The following TRIOBP variants were observed in gnomAD, a reference collection of about 807,000 sequenced individuals.
TRIOBP encodes TRIO and F-actin-binding protein.
Under a neutral mutation model 238.8 loss-of-function variants are expected in TRIOBP, and 169 were observed. The ratio of observed to expected loss-of-function variants is 0.71; its 90% CI spans 0.62 to 0.80. The LOEUF is 0.80. TRIOBP is among the 30% of genes least tolerant of loss of function. The probability of loss-of-function intolerance (pLI) is 0.00; values close to 1 mark genes in which losing one functional copy is unlikely to be tolerated. For missense variants in TRIOBP, 2,838 were observed against 3,122.6 expected (o/e 0.91, Z 2.17); for synonymous variants, 1,150 against 1,274.4 (o/e 0.90, Z 2.08).
At chr22:37,709,320 C>T (rs1364633292) in intron 3 of TRIOBP, among the ~76,000 whole-genome samples, 2 of 152,234 alleles carry the variant, frequency 1.3e-5, no homozygotes, top group African/African-American at 2.4e-5. Flanking sequence ...CCCCTCCCGG[C>T]TCTCAGGTGA....
chr22:37,719,158 G>GC (rs1468157093), intron 6 of TRIOBP, among the ~76,000 whole-genome samples: 7 of 146,444 alleles, frequency 4.8e-5, no homozygotes, highest in African/African-American at 1.5e-4. Context: ...AGCTGAGATC[G>GC]CCCCACTGCA....
Position 37,759,208 on chromosome 22 carries a change from C to T in TRIOBP, c.6268C>T (p.Gln2090Ter). ...GTGGCGTCTCCAAGGGGAGGCTCCT[C>T]AGAGTGCACTGAGATCCCAGGAGGA... Reference protein sequence around the residue: ...EAWRLQGEAPQSALRSQEDGH... With the variant: ...EAWRLQGEAP The change falls in exon 17 of 24, where the codon CAG becomes TAG. Residue 2090 changes from glutamine to a stop codon, truncating the protein, a stop_gained. Coordinates refer to ENST00000644935, the MANE Select transcript of TRIOBP (RefSeq NM_001039141.3). LOFTEE classifies it high-confidence loss of function. 6.2e-7 allele frequency: 1 copy of T among 1,613,038 alleles called. No individual in the cohort carries two copies. The highest frequency in any genetic ancestry group is 8.5e-7 in the Non-Finnish European group (1 of 1,180,008).
intron 16 of TRIOBP, among the ~76,000 whole-genome samples, chr22:37,758,679 G>C (rs1926076807): frequency 7.5e-6 from 1 of 133,868 alleles, no homozygotes; most frequent in African/African-American, 3.5e-5. Flanking sequence ...CTTTGTCTCA[G>C]ATTAAAAAAA....
intron 11 of TRIOBP, 74 bp downstream of exon 11, chr22:37,741,106 T>G: frequency 6.5e-7 from 1 of 1,526,900 alleles, no homozygotes; most frequent in Non-Finnish European, 8.8e-7. Flanking sequence ...AGGGGGCTGT[T>G]AAGCAAAGGA....
At chr22:37,744,254 C>T (rs548988196) in intron 11 of TRIOBP, among the ~76,000 whole-genome samples, 5 of 152,154 alleles carry the variant, frequency 3.3e-5, no homozygotes, top group Non-Finnish European at 5.9e-5. Context: ...AGGTGATCCA[C>T]CCGCCTCGGC....
At chr22:37,700,539 C>G (rs868550983) in intron 2 of TRIOBP, among the ~76,000 whole-genome samples, 1 of 151,908 alleles carries the variant, frequency 6.6e-6, no homozygotes, top group Non-Finnish European at 1.5e-5. Flanking sequence ...ACTTCAGCCT[C>G]CTGAGTAGCA....
intron 8 of TRIOBP, among the ~76,000 whole-genome samples, chr22:37,734,156 G>C (rs988539224): frequency 6.6e-6 from 1 of 152,236 alleles, no homozygotes; most frequent in Non-Finnish European, 1.5e-5. Flanking sequence ...ATCTTTGAGA[G>C]GGGTGAGAAG....
intron 2 of TRIOBP, among the ~76,000 whole-genome samples, chr22:37,700,430 A>C (rs1446250322): frequency 2.6e-5 from 4 of 151,398 alleles, no homozygotes; most frequent in African/African-American, 9.7e-5. Flanking sequence ...GGTGCACACC[A>C]TCTTACCCAG....
rs1198429843 is a variant in TRIOBP at position 37,715,750 on chromosome 22, C to T, written c.457-13C>T. The T allele has an allele frequency of 5.6e-6, 9 of 1,613,628 alleles. No homozygotes were observed. The highest frequency in any genetic ancestry group is 7.6e-6 in the Non-Finnish European group (9 of 1,179,930). ...CTCCCGCAAACATACTTTCTCCTCCCCTTCTCTGGCAGGACTGGGACACTG... is the reference window on the plus strand; with the variant it reads ...CTCCCGCAAACATACTTTCTCCTCCTCTTCTCTGGCAGGACTGGGACACTG... On this transcript the variant is annotated splice_polypyrimidine_tract_variant and intron_variant, in intron 5 of 23. Coordinates refer to ENST00000644935, the MANE Select transcript of TRIOBP (RefSeq NM_001039141.3).
At chr22:37,715,976 G>A in intron 6 of TRIOBP, 42 bp downstream of exon 6, 1 of 1,608,712 alleles carries the variant, frequency 6.2e-7, no homozygotes, top group Non-Finnish European at 8.5e-7. Context: ...TGATGGCCTG[G>A]GGCCCCCCAG....
In TRIOBP at chr22:37,720,000, CT is replaced by C. The variant is rs869261824; in HGVS notation, c.629-3159del. On this transcript the variant is annotated intron_variant, in intron 6 of 23. Transcript: ENST00000644935. ...ACTGTTTCACTCATCCCCCCCCGCC[CT>C]TTTTTTTTTTTTTTTTTTTTTTTTT... Among the ~76,000 whole-genome samples, 359 of 54,392 alleles carry C rather than the reference CT, an allele frequency of 6.6e-3. 47 individuals are homozygous for C. Among genetic ancestry groups the C allele is most frequent in the African/African-American group, 0.023 (303 of 13,106 alleles). The allele number at this position is 54,392 out of a possible 152,430, so 35.7% of individuals were successfully genotyped here. A position where few individuals can be genotyped will look rare whatever the true frequency, so the allele number is the denominator to read the frequency against.
chr22:37,740,913 G>T lies in TRIOBP; in HGVS notation c.5203G>T (p.Glu1735Ter). The T allele has an allele frequency of 6.3e-7, 1 of 1,574,978 alleles. No homozygotes were observed. Among genetic ancestry groups the T allele is most frequent in the Non-Finnish European group, 8.6e-7 (1 of 1,160,254 alleles). Residue 1735 changes from glutamate (E) to a stop codon, truncating the protein, a stop_gained, in exon 11 of 24, where the codon GAG becomes TAG. Coordinates refer to ENST00000644935, the MANE Select transcript of TRIOBP (RefSeq NM_001039141.3). LOFTEE classifies it high-confidence loss of function. ...QADSADKRPA[E>*]GKAGSPLKGR... ...TTGACAGGCAGACAAGAGGCCAGCA[G>T]AGGGCAAGGCTGGGAGCCCGCTCAA...
intron 7 of TRIOBP, among the ~76,000 whole-genome samples, chr22:37,727,864 A>G (rs140301082): frequency 3.3e-5 from 5 of 152,244 alleles, no homozygotes; most frequent in East Asian, 1.9e-4. Context: ...TTCTCTCCCC[A>G]GAAGTTCCAG....
intron 11 of TRIOBP, among the ~76,000 whole-genome samples, chr22:37,744,624 T>C (rs926754770): frequency 6.6e-6 from 1 of 152,092 alleles, no homozygotes; most frequent in African/African-American, 2.4e-5. Flanking sequence ...ACCCTGGTGG[T>C]AGGTGAGGTC....
chr22:37,738,858 G>A, intron 10 of TRIOBP, 139 bp downstream of exon 10: 2 of 924,466 alleles, frequency 2.2e-6, no homozygotes, highest in Non-Finnish European at 1.7e-6. Flanking sequence ...TATGTGCATG[G>A]TGGGGCCTTA....
chr22:37,771,821 C>T (rs754206523), intron 22 of TRIOBP, 85 bp downstream of exon 22: 1 of 1,225,116 alleles, frequency 8.2e-7, no homozygotes, highest in Non-Finnish European at 1.2e-6. Flanking sequence ...CTGTGCCAAG[C>T]CCTCCACTCG....
intron 17 of TRIOBP, among the ~76,000 whole-genome samples, chr22:37,764,186 C>A (rs1926376423): frequency 6.6e-6 from 1 of 152,214 alleles, no homozygotes; most frequent in African/African-American, 2.4e-5. Context: ...GCCTGAATTC[C>A]TCTTTGCCAT....
At chr22:37,730,010 G>A (rs1195581615) in intron 7 of TRIOBP, among the ~76,000 whole-genome samples, 1 of 152,116 alleles carries the variant, frequency 6.6e-6, no homozygotes, top group Non-Finnish European at 1.5e-5. Context: ...TTTCTTAAAG[G>A]GTTGTCACAT....
chr22:37,747,864 C>T (rs1036984007), intron 11 of TRIOBP, among the ~76,000 whole-genome samples: 4 of 152,238 alleles, frequency 2.6e-5, no homozygotes, highest in African/African-American at 7.2e-5. Context: ...AGGTCCGTTC[C>T]AGCTTTCTTT....
Sources: gnomAD v4.1 joint callset for allele counts (sites outside exome capture counted in the v4.1 genomes callset) on GRCh38, gnomAD v4.1.1 for gene constraint, MANE v1.5 for transcripts, NCBI Gene and HGNC (gene_info 2026-07-23, HGNC 2026-07-21) for gene names.